Variants in FMN2 observed in about 807,000 individuals in gnomAD.
FMN2 encodes formin 2, also known as formin-2.
FMN2 carries 51 observed loss-of-function variants against 142.3 expected under a neutral mutation model. That is an observed-to-expected ratio of 0.36 (90% CI 0.29 to 0.45). The LOEUF is 0.45. Among genes scored for constraint, FMN2 ranks in the 20% least tolerant of loss-of-function variants. The pLI, the probability that FMN2 is intolerant of heterozygous loss-of-function variation, is 1.00. For synonymous variants in FMN2, 882 were observed against 869.8 expected, an observed-to-expected ratio of 1.01 and a Z score of -0.25; for missense variants, 1,936 against 2,122.8, an observed-to-expected ratio of 0.91 and a Z score of 1.73.
chr1:240,206,036 G>T (rs1028294941), intron 4 of FMN2, among the ~76,000 whole-genome samples: 3 of 151,896 alleles, frequency 2.0e-5, no homozygotes, highest in African/African-American at 7.3e-5. Context: ...CCAAGTAGCT[G>T]GGACTACAGG....
intron 8 of FMN2, among the ~76,000 whole-genome samples, chr1:240,304,328 T>C (rs2102977464): frequency 6.6e-6 from 1 of 152,326 alleles, no homozygotes; most frequent in Non-Finnish European, 1.5e-5. Flanking sequence ...CCCAAGGGTT[T>C]GCTGGGTTTT....
At chr1:240,097,080 T>G (rs1661224710) in intron 1 of FMN2, among the ~76,000 whole-genome samples, 2 of 152,198 alleles carry the variant, frequency 1.3e-5, no homozygotes, top group Non-Finnish European at 2.9e-5. Flanking sequence ...ACGTGTTAAA[T>G]TTGTGATGCT....
chr1:240,144,825 G>A, intron 2 of FMN2: 2 of 1,440,280 alleles, frequency 1.4e-6, no homozygotes, highest in Non-Finnish European at 2.0e-6. Flanking sequence ...AGAGTGAGCA[G>A]TGGCTCCTGC....
At chr1:240,339,435 A>T (rs2103026863) in intron 13 of FMN2, among the ~76,000 whole-genome samples, 1 of 152,260 alleles carries the variant, frequency 6.6e-6, no homozygotes, top group South Asian at 2.1e-4. Flanking sequence ...AGGTTTCAGT[A>T]CCATCTGCTG....
chr1:240,336,553 CAAAAAAAA>C lies in FMN2; in HGVS notation c.4765+2346_4765+2353del, dbSNP rs552135436. Among the ~76,000 whole-genome samples, 405 of 50,506 alleles carry C rather than the reference CAAAAAAAA, an allele frequency of 8.0e-3. 4 individuals carry two copies. Among genetic ancestry groups the C allele is most frequent in the African/African-American group, 0.019 (381 of 20,520 alleles). 33.1% of individuals were successfully genotyped at this position (50,506 alleles called of 152,430 possible). A position where few individuals can be genotyped will look rare whatever the true frequency, so the allele number is the denominator to read the frequency against. On this transcript the variant is annotated intron_variant, in intron 13 of 17. Transcript: ENST00000319653. ...GTTAAAAGGACTTCATGGTATTCTC[CAAAAAAAA>C]AAAAAAAAAAAAAAAAAAAAAGGTG... is the stretch of plus-strand genomic sequence containing the variant.
chr1:240,448,821 A>C (rs199719801), intron 16 of FMN2, among the ~76,000 whole-genome samples: 109,885 of 151,296 alleles, frequency 0.73, 40,040 homozygotes, highest in East Asian at 0.89. Flanking sequence ...ACCCTGTTTT[A>C]AAAAAAATAG....
At chr1:240,396,353 GAT>G (rs1673777124) in intron 15 of FMN2, among the ~76,000 whole-genome samples, 1 of 150,012 alleles carries the variant, frequency 6.7e-6, no homozygotes, top group Admixed American at 6.7e-5. Context: ...TGTAAAGAAA[GAT>G]AGAGAATTGA....
intron 6 of FMN2, among the ~76,000 whole-genome samples, chr1:240,223,416 G>A (rs1667190143): frequency 6.6e-6 from 1 of 152,162 alleles, no homozygotes; most frequent in African/African-American, 2.4e-5. Flanking sequence ...TCGCATCGAT[G>A]TTCATTAGGG....
At chr1:240,322,786 C>T (rs988951924) in intron 8 of FMN2, among the ~76,000 whole-genome samples, 2 of 152,150 alleles carry the variant, frequency 1.3e-5, no homozygotes, top group African/African-American at 4.8e-5. Flanking sequence ...GGCTGGCACA[C>T]ACGTTCCTGG....
At chr1:240,261,381 T>C (rs1041731615) in intron 7 of FMN2, among the ~76,000 whole-genome samples, 86 of 151,994 alleles carry the variant, frequency 5.7e-4, no homozygotes, top group Admixed American at 3.7e-3. Flanking sequence ...ACATGCTGCT[T>C]CTCCAAGATT....
intron 7 of FMN2, among the ~76,000 whole-genome samples, chr1:240,279,224 T>C (rs1441756013): frequency 6.6e-6 from 1 of 152,134 alleles, no homozygotes; most frequent in African/African-American, 2.4e-5. Flanking sequence ...GATTGAAGGA[T>C]GTTAGGAAGC....
chr1:240,370,642 G>T (rs1257184253), intron 14 of FMN2, among the ~76,000 whole-genome samples: 4 of 152,040 alleles, frequency 2.6e-5, no homozygotes, highest in Non-Finnish European at 5.9e-5. Flanking sequence ...GTTAAGTCCT[G>T]TGGCTTTGCT....
chr1:240,159,961 GTATA>G (rs1245218890), intron 2 of FMN2, among the ~76,000 whole-genome samples: 1 of 127,684 alleles, frequency 7.8e-6, no homozygotes, highest in African/African-American at 3.2e-5. Flanking sequence ...CTATATCTGT[GTATA>G]TATATATATA....
intron 14 of FMN2, among the ~76,000 whole-genome samples, chr1:240,382,525 G>A (rs986741708): frequency 6.6e-6 from 1 of 152,030 alleles, no homozygotes; most frequent in African/African-American, 2.4e-5. Flanking sequence ...GCCAGGTGTG[G>A]TGGTGGCTGC....
At chr1:240,293,227 A>C (rs1457417195) in intron 7 of FMN2, among the ~76,000 whole-genome samples, 1 of 152,140 alleles carries the variant, frequency 6.6e-6, no homozygotes, top group Non-Finnish European at 1.5e-5. Flanking sequence ...TCAAAGGACA[A>C]CTGTGTACTT....
In FMN2 at chr1:240,338,532, C is replaced by A. The variant is rs188153645; in HGVS notation, c.4765+4303C>A. Among the ~76,000 whole-genome samples, 444 of 152,182 alleles carry A rather than the reference C, an allele frequency of 2.9e-3. 3 individuals carry two copies. The highest frequency in any genetic ancestry group is 0.01 in the African/African-American group (430 of 41,500). Reference sequence around the variant, plus strand: ...TTAAGTGGAAAATTTCAAAAATAAACAATTCATATGTTTTATGCTGGGCAC... The same window carrying A: ...TTAAGTGGAAAATTTCAAAAATAAAAAATTCATATGTTTTATGCTGGGCAC... On this transcript the variant is annotated intron_variant, in intron 13 of 17. Transcript: ENST00000319653.
At chr1:240,459,671 C>T (rs112704227) in intron 16 of FMN2, among the ~76,000 whole-genome samples, 13 of 125,682 alleles carry the variant, frequency 1.0e-4, no homozygotes, top group African/African-American at 3.3e-4. Flanking sequence ...GAGCTGCTAT[C>T]GTGCCACTGC....
At position 240,092,045 on chromosome 1, in the gene FMN2, G is replaced by A. The variant is rs1014809565; in HGVS notation, c.-65G>A. On this transcript the variant is annotated 5_prime_UTR_variant, in exon 1 of 18. Transcript: ENST00000319653. ...GGGAGACTCCCTAGGCCCGGACCTG[G>A]GGCCGAGGAGGGCCGGGATGGCCTG... 3 of 1,493,012 alleles carry A rather than the reference G, an allele frequency of 2.0e-6. No individual in the cohort carries two copies. The highest frequency in any genetic ancestry group is 2.3e-5 in the Admixed American group (1 of 43,532). The allele number at this position is 1,493,012 out of a possible 1,614,324, so 92.5% of individuals were successfully genotyped here. A position where few individuals can be genotyped will look rare whatever the true frequency, so the allele number is the denominator to read the frequency against.
At chr1:240,453,321 A>G (rs1295774078) in intron 16 of FMN2, among the ~76,000 whole-genome samples, 1 of 152,182 alleles carries the variant, frequency 6.6e-6, no homozygotes, top group Non-Finnish European at 1.5e-5. Context: ...TGTATTCCCA[A>G]ACATGAATCG....
Sources: gnomAD v4.1 joint callset for allele counts (sites outside exome capture counted in the v4.1 genomes callset) on GRCh38, gnomAD v4.1.1 for gene constraint, MANE v1.5 for transcripts, NCBI Gene and HGNC (gene_info 2026-07-23, HGNC 2026-07-21) for gene names.